Variants in TLN2 observed in about 807,000 individuals in gnomAD.
TLN2 encodes talin 2.
Under a neutral mutation model 294.7 loss-of-function variants are expected in TLN2, and 118 were observed. That is an observed-to-expected ratio of 0.40 (90% confidence interval 0.34 to 0.47). The LOEUF (loss-of-function observed/expected upper bound fraction) is 0.47, where lower values mean the gene tolerates loss of function less well. TLN2 is among the 20% of genes least tolerant of loss of function. TLN2 has a pLI of 0.84. For missense variants in TLN2, 3,083 were observed against 3,282.2 expected (o/e 0.94, Z 1.48); for synonymous variants, 1,431 against 1,304.5 (o/e 1.10, Z -2.09).
In TLN2 at chr15:62,712,424, T is replaced by C. The variant is rs1020715753; in HGVS notation, c.2634+347T>C. On this transcript the variant is annotated intron_variant, in intron 22 of 58. Coordinates refer to ENST00000636159, the MANE Select transcript of TLN2 (RefSeq NM_015059.3). ...CACCTAAACCTATTCTCTTCCTTAA[T>C]GCCTTAATGTTACTTTTGCCCTCCA... 2.0e-5 allele frequency among the ~76,000 whole-genome samples: 3 copies of C among 152,236 alleles called. No individual in the cohort carries two copies. The South Asian group carries it at 6.2e-4, about 32-fold the overall frequency.
At chr15:62,648,062 A>C (rs1427201214) in intron 4 of TLN2, among the ~76,000 whole-genome samples, 1 of 152,054 alleles carries the variant, frequency 6.6e-6, no homozygotes, top group Admixed American at 6.6e-5. Context: ...CAGGCAGTTG[A>C]GAAATTGGAT....
chr15:62,586,044 G>A (rs1449424014), intron 1 of TLN2, among the ~76,000 whole-genome samples: 1 of 151,832 alleles, frequency 6.6e-6, no homozygotes, highest in Non-Finnish European at 1.5e-5. Flanking sequence ...GGCATACCAA[G>A]CCGGATGACT....
intron 22 of TLN2, among the ~76,000 whole-genome samples, chr15:62,712,775 G>A (rs1389828225): frequency 6.6e-6 from 1 of 152,034 alleles, no homozygotes; most frequent in East Asian, 1.9e-4. Flanking sequence ...AGTTCTTCAG[G>A]ATATTCCGAT....
At chr15:62,838,558 A>G (rs1567722745) in intron 57 of TLN2, among the ~76,000 whole-genome samples, 1 of 152,214 alleles carries the variant, frequency 6.6e-6, no homozygotes, top group Non-Finnish European at 1.5e-5. Context: ...CACACATCAC[A>G]TTGCTGGGAT....
chr15:62,819,408 A>G, intron 52 of TLN2, 108 bp from the exon 53 acceptor site: 1 of 887,698 alleles, frequency 1.1e-6, no homozygotes, highest in East Asian at 2.4e-5. Flanking sequence ...CAGAGATGCA[A>G]CTTAAAACCA....
At chr15:62,603,292 T>A (rs2047153264) in intron 2 of TLN2, among the ~76,000 whole-genome samples, 1 of 152,248 alleles carries the variant, frequency 6.6e-6, no homozygotes, top group South Asian at 2.1e-4. Flanking sequence ...GTGGTTTTTT[T>A]TTAAAATGTG....
intron 43 of TLN2, 82 bp downstream of exon 43, chr15:62,776,992 C>G: frequency 7.9e-7 from 1 of 1,262,200 alleles, no homozygotes; most frequent in East Asian, 2.8e-5. Context: ...GCTGTCAAGG[C>G]TCATAGCAAC....
intron 44 of TLN2, 25 bp downstream of exon 44, chr15:62,781,266 C>A: frequency 6.4e-7 from 1 of 1,557,660 alleles, no homozygotes; most frequent in East Asian, 2.2e-5. Flanking sequence ...AGCTGCCCTC[C>A]CCACTGTTGT....
intron 1 of TLN2, among the ~76,000 whole-genome samples, chr15:62,451,731 C>G (rs2036164834): frequency 2.0e-5 from 3 of 152,184 alleles, no homozygotes; most frequent in South Asian, 4.1e-4. Context: ...GGTGAGGGAG[C>G]CTTTGCTGCT....
intron 2 of TLN2, among the ~76,000 whole-genome samples, chr15:62,601,308 A>C (rs2046982626): frequency 6.6e-6 from 1 of 152,166 alleles, no homozygotes; most frequent in African/African-American, 2.4e-5. Flanking sequence ...CTGACCCAAA[A>C]TGTCAATTGT....
At chr15:62,710,720 C>CTTTTTTTTTTTT (rs71287048) in intron 21 of TLN2, among the ~76,000 whole-genome samples, 16 of 77,074 alleles carry the variant, frequency 2.1e-4, no homozygotes, top group East Asian at 5.3e-4. Context: ...TGCTGATGTC[C>CTTTTTTTTTTTT]TTTTTTTTTT....
At chr15:62,676,190 T>C (rs960246899) in intron 11 of TLN2, among the ~76,000 whole-genome samples, 4 of 152,188 alleles carry the variant, frequency 2.6e-5, no homozygotes, top group African/African-American at 9.6e-5. Context: ...AAGAAGAAGT[T>C]ACGTTGTCCT....
intron 18 of TLN2, among the ~76,000 whole-genome samples, chr15:62,702,474 A>G (rs1454895534): frequency 1.3e-5 from 2 of 152,230 alleles, no homozygotes; most frequent in African/African-American, 4.8e-5. Context: ...TTTAAGGGGA[A>G]TAGAAGTTTG....
intron 1 of TLN2, among the ~76,000 whole-genome samples, chr15:62,583,663 A>C (rs898515287): frequency 2.0e-5 from 3 of 152,192 alleles, no homozygotes; most frequent in African/African-American, 7.2e-5. Context: ...CCAGTTCATA[A>C]AATGAGGTAG....
intron 1 of TLN2, among the ~76,000 whole-genome samples, chr15:62,463,588 TAA>T (rs2036937790): frequency 3.3e-5 from 5 of 152,092 alleles, no homozygotes; most frequent in Admixed American, 3.3e-4. Flanking sequence ...TGGCGATCAT[TAA>T]AAAGTCAGGA....
intron 1 of TLN2, among the ~76,000 whole-genome samples, chr15:62,467,219 A>G (rs1406997354): frequency 1.3e-5 from 2 of 152,234 alleles, no homozygotes; most frequent in South Asian, 2.1e-4. Flanking sequence ...TCTTTTGGTC[A>G]GGTCACCAAA....
chr15:62,652,619 A>G (rs1250641306), intron 6 of TLN2, among the ~76,000 whole-genome samples: 1 of 152,190 alleles, frequency 6.6e-6, no homozygotes, highest in Non-Finnish European at 1.5e-5. Context: ...CATGCAAAGG[A>G]AGCCTAGTTC....
At position 62,737,106 on chromosome 15, in the gene TLN2, A is replaced by G; in HGVS notation, c.3567+20A>G. ...GCTCAGGTGAGGCTAGGAATGAGAAATTGTGGTTGTCATGGTCATCATTAA... is the reference window on the plus strand; with the variant it reads ...GCTCAGGTGAGGCTAGGAATGAGAAGTTGTGGTTGTCATGGTCATCATTAA... On this transcript the variant is annotated intron_variant, in intron 29 of 58. Transcript: ENST00000636159. The G allele has an allele frequency of 6.2e-7, 1 of 1,613,114 alleles. No homozygotes were observed. The highest frequency in any genetic ancestry group is 2.2e-5 in the East Asian group (1 of 44,864).
intron 1 of TLN2, among the ~76,000 whole-genome samples, chr15:62,531,103 C>G (rs2140496878): frequency 6.6e-6 from 1 of 152,264 alleles, no homozygotes; most frequent in African/African-American, 2.4e-5. Context: ...GATTTGAAGT[C>G]AGTTTATGGA....
Sources: allele counts gnomAD v4.1 joint callset (sites outside exome capture counted in the v4.1 genomes callset), GRCh38; gene constraint gnomAD v4.1.1; transcripts MANE v1.5; gene names NCBI Gene and HGNC (gene_info 2026-07-23, HGNC 2026-07-21).